SEMA7A: variants seen among roughly 807,000 people sequenced by gnomAD.
SEMA7A encodes semaphorin-7A.
A neutral mutation model predicts 67.5 loss-of-function variants in SEMA7A; 21 were observed. The ratio of observed to expected loss-of-function variants is 0.31; its 90% CI spans 0.22 to 0.45. The LOEUF (loss-of-function observed/expected upper bound fraction) is 0.45. SEMA7A is among the 20% of genes least tolerant of loss of function. SEMA7A has a pLI of 1.00. For missense variants in SEMA7A, 774 were observed against 908.6 expected (o/e 0.85, Z 1.90); for synonymous variants, 364 against 368.5 (o/e 0.99, Z 0.14).
Position 74,418,960 on chromosome 15 carries a change from G to T in SEMA7A, c.179-8C>A, listed in dbSNP as rs780612931. The T allele has an allele frequency of 6.2e-7, 1 of 1,611,992 alleles. No homozygotes were observed. Among genetic ancestry groups the T allele is most frequent in the Non-Finnish European group, 8.5e-7 (1 of 1,179,674 alleles). Reference sequence around the variant, plus strand: ...GGTCCTGCCCTACATGGCCTGAGGAGGAGACAATTAGTAGAAACATTGAAG... The same window carrying T: ...GGTCCTGCCCTACATGGCCTGAGGATGAGACAATTAGTAGAAACATTGAAG... On this transcript the variant is annotated splice_polypyrimidine_tract_variant and splice_region_variant and intron_variant, in intron 1 of 13. Coordinates refer to ENST00000261918, the MANE Select transcript of SEMA7A (RefSeq NM_003612.5).
intron 1 of SEMA7A, among the ~76,000 whole-genome samples, chr15:74,424,954 C>A (rs182799524): frequency 9.7e-4 from 147 of 152,140 alleles, no homozygotes; most frequent in Non-Finnish European, 1.5e-3. Flanking sequence ...GGGCAGGGGT[C>A]GGGGAGAGGG....
At chr15:74,416,830 C>G (rs2060953123) in intron 6 of SEMA7A, 116 bp from the exon 7 acceptor site, 3 of 1,174,326 alleles carry the variant, frequency 2.6e-6, no homozygotes, top group Non-Finnish European at 3.7e-6. Flanking sequence ...CAAATCAGAT[C>G]TGGAATAGGA....
intron 7 of SEMA7A, 88 bp downstream of exon 7, chr15:74,416,487 T>C: frequency 7.0e-7 from 1 of 1,425,308 alleles, no homozygotes; most frequent in Non-Finnish European, 9.7e-7. Context: ...ACACAACTTC[T>C]ACATGCACAC....
chr15:74,429,480 G>A (rs2061069728), intron 1 of SEMA7A, among the ~76,000 whole-genome samples: 1 of 152,236 alleles, frequency 6.6e-6, no homozygotes, highest in African/African-American at 2.4e-5. Flanking sequence ...GGAGAAGACA[G>A]AGCTGAGGGA....
intron 1 of SEMA7A, among the ~76,000 whole-genome samples, chr15:74,430,972 A>G (rs28362867): frequency 0.09 from 13,642 of 152,198 alleles, 973 homozygotes; most frequent in African/African-American, 0.2. Flanking sequence ...GACTGGGGAT[A>G]TGGGTTCTGT....
chr15:74,416,866 G>T, intron 6 of SEMA7A, 152 bp from the exon 7 acceptor site: 1 of 825,004 alleles, frequency 1.2e-6, no homozygotes, highest in Non-Finnish European at 1.9e-6. Context: ...CCAACTCCCC[G>T]AGGGGCCCTA....
At position 74,418,840 on chromosome 15, in the gene SEMA7A, G is replaced by T; in HGVS notation, c.291C>A (p.Leu97=). 6.2e-7 allele frequency: 1 copy of T among 1,613,938 alleles called. No homozygotes were observed. The highest frequency in any genetic ancestry group is 8.5e-7 in the Non-Finnish European group (1 of 1,180,008). The change falls in exon 2 of 14, where the codon CTC becomes CTA. Residue 97 remains leucine (L), a synonymous_variant. Transcript: ENST00000261918. The part of the protein sequence containing the change: ...VWVGGRGKVY[L]FDFPEGKNAS... Reference sequence around the variant, plus strand: ...CGTTCTTGCCCTCGGGGAAGTCAAAGAGGTAGACCTTGCCACGTCCTCCCA... The same window carrying T: ...CGTTCTTGCCCTCGGGGAAGTCAAATAGGTAGACCTTGCCACGTCCTCCCA...
intron 7 of SEMA7A, 113 bp downstream of exon 7, chr15:74,416,462 C>G (rs1167114188): frequency 8.7e-7 from 1 of 1,149,526 alleles, no homozygotes; most frequent in Admixed American, 2.2e-5. Flanking sequence ...CTGACACAGA[C>G]CCACTCATAC....
At chr15:74,419,046 G>A (rs1596193397) in intron 1 of SEMA7A, 94 bp from the exon 2 acceptor site, 1 of 1,401,768 alleles carries the variant, frequency 7.1e-7, no homozygotes, top group Non-Finnish European at 9.7e-7. Context: ...ACCAGTGCTT[G>A]GTGCTCAGGG....
Position 74,417,450 on chromosome 15 carries a change from G to T in SEMA7A, c.551-5C>A, listed in dbSNP as rs561843703. 2.7e-5 allele frequency: 43 copies of T among 1,611,872 alleles called. 1 individual carries two copies. The South Asian group carries it at 4.6e-4, about 17-fold the overall frequency. Reference sequence around the variant, plus strand: ...TGGTGGAATACACCTCGTCCCCTGGGGTCAGTGGGAGGGAGAAATGAGTAA... The same window carrying T: ...TGGTGGAATACACCTCGTCCCCTGGTGTCAGTGGGAGGGAGAAATGAGTAA... On this transcript the variant is annotated splice_region_variant and splice_polypyrimidine_tract_variant and intron_variant, in intron 5 of 13. Coordinates refer to ENST00000261918, the MANE Select transcript of SEMA7A (RefSeq NM_003612.5).
intron 1 of SEMA7A, among the ~76,000 whole-genome samples, chr15:74,430,704 C>T (rs1237023575): frequency 6.6e-6 from 1 of 152,232 alleles, no homozygotes; most frequent in East Asian, 1.9e-4. Context: ...TGCCCCCCCA[C>T]CATGAGACTC....
chr15:74,433,891 C>G lies in SEMA7A; in HGVS notation c.28G>C (p.Ala10Pro). MTPPPPGRAAPSAPRARVPG... is the reference protein window; with the variant it reads MTPPPPGRAPPSAPRARVPG... ...ACGCGGGCGCGCGGTGCGCTGGGGGCGGCACGTCCGGGCGGAGGAGGCGTC... is the reference window on the plus strand; with the variant it reads ...ACGCGGGCGCGCGGTGCGCTGGGGGGGGCACGTCCGGGCGGAGGAGGCGTC... Residue 10 changes from alanine to proline, a missense_variant, in exon 1 of 14, where the codon GCC (alanine) becomes CCC (proline). Coordinates refer to ENST00000261918, the MANE Select transcript of SEMA7A (RefSeq NM_003612.5). 7.9e-7 allele frequency: 1 copy of G among 1,264,456 alleles called. No homozygotes were observed. Among genetic ancestry groups the G allele is most frequent in the Non-Finnish European group, 9.9e-7 (1 of 1,009,946 alleles). 78.3% of individuals were successfully genotyped at this position (1,264,456 alleles called of 1,614,324 possible).
chr15:74,421,109 G>A (rs565439449), intron 1 of SEMA7A, among the ~76,000 whole-genome samples: 11 of 152,368 alleles, frequency 7.2e-5, no homozygotes, highest in African/African-American at 2.6e-4. Context: ...TTGCAGGGCT[G>A]TTGAAGAGAA....
At position 74,414,533 on chromosome 15, in the gene SEMA7A, G is replaced by A; in HGVS notation, c.1294+14C>T. The A allele has an allele frequency of 6.2e-7, 1 of 1,613,162 alleles. No homozygotes were observed. The highest frequency in any genetic ancestry group is 8.5e-7 in the Non-Finnish European group (1 of 1,179,194). On this transcript the variant is annotated intron_variant, in intron 10 of 13. Coordinates refer to ENST00000261918, the MANE Select transcript of SEMA7A (RefSeq NM_003612.5). The surrounding 1 kb of genome is among the most constrained non-coding windows in gnomAD (Gnocchi z 4.1). Reference sequence around the variant, plus strand: ...TTTACAAAGCAAACTGAGGGTCCCGGGGTAGCCTCTCACCTGTAGTTAGGT... The same window carrying A: ...TTTACAAAGCAAACTGAGGGTCCCGAGGTAGCCTCTCACCTGTAGTTAGGT...
chr15:74,433,781 G>A lies in SEMA7A; in HGVS notation c.138C>T (p.Gly46=). Residue 46 remains glycine, a synonymous_variant, in exon 1 of 14, where the codon GGC becomes GGT. Coordinates refer to ENST00000261918, the MANE Select transcript of SEMA7A (RefSeq NM_003612.5). The stretch of plus-strand genomic sequence containing the variant: ...AGATGCGGGGTCCGCTCCTTAGGTG[G>A]CCCTGGGCGGAGGCGGCGGCCGCCC... ...LLWAAAASAQ[G]HLRSGPRIFA... is the part of the protein sequence containing the mutation. 2 of 1,435,504 alleles carry A rather than the reference G, an allele frequency of 1.4e-6. No homozygotes were observed. The highest frequency in any genetic ancestry group is 1.8e-6 in the Non-Finnish European group (2 of 1,098,630). 88.9% of individuals were successfully genotyped at this position (1,435,504 alleles called of 1,614,324 possible).
Position 74,421,195 on chromosome 15 carries a change from G to C in SEMA7A, c.179-2243C>G, listed in dbSNP as rs543263530. 1.3e-4 allele frequency among the ~76,000 whole-genome samples: 20 copies of C among 152,312 alleles called. No individual in the cohort carries two copies. In the South Asian group the frequency reaches 4.1e-3, roughly 32 times the overall value. On this transcript the variant is annotated intron_variant, in intron 1 of 13. Coordinates refer to ENST00000261918, the MANE Select transcript of SEMA7A (RefSeq NM_003612.5). Reference sequence around the variant, plus strand: ...CTGGGTCCTGGAGAGCAAGGTCTGAGGGGGAGGTCTGGCCCTACCCTGGGA... The same window carrying C: ...CTGGGTCCTGGAGAGCAAGGTCTGACGGGGAGGTCTGGCCCTACCCTGGGA...
chr15:74,427,062 A>G (rs2061049659), intron 1 of SEMA7A: 1 of 246,630 alleles, frequency 4.1e-6, no homozygotes, highest in African/African-American at 2.3e-5. Flanking sequence ...TTCTCTGTGC[A>G]CATGGATCTT....
chr15:74,412,066 C>T, intron 10 of SEMA7A, 54 bp from the exon 11 acceptor site: 1 of 1,606,742 alleles, frequency 6.2e-7, no homozygotes, highest in Non-Finnish European at 8.5e-7. Flanking sequence ...AGGGGCCAGG[C>T]AGCTTTCCTC....
intron 1 of SEMA7A, among the ~76,000 whole-genome samples, chr15:74,433,145 C>T (rs1019918059): frequency 1.3e-5 from 2 of 152,112 alleles, no homozygotes; most frequent in African/African-American, 4.8e-5. Flanking sequence ...CCCCAAGCCG[C>T]CGCACCGCAC....
Sources: allele counts gnomAD v4.1 joint callset (sites outside exome capture counted in the v4.1 genomes callset), GRCh38; gene constraint gnomAD v4.1.1; non-coding constraint Gnocchi (gnomAD v3.1); transcripts MANE v1.5; gene names NCBI Gene and HGNC (gene_info 2026-07-23, HGNC 2026-07-21).